AFF2: variants seen among roughly 807,000 people sequenced by gnomAD.
The protein encoded by AFF2 is ALF transcription elongation factor 2, also known as AF4/FMR2 family member 2.
A neutral mutation model predicts 76.9 loss-of-function variants in AFF2; 14 were observed. That is an observed-to-expected ratio of 0.18 (90% CI 0.12 to 0.28). The LOEUF (loss-of-function observed/expected upper bound fraction) is 0.28, where lower values mean the gene tolerates loss of function less well. Ranked by LOEUF, AFF2 falls within the 10% of genes least tolerant of loss-of-function variation. The pLI, the probability that AFF2 is intolerant of heterozygous loss-of-function variation, is 1.00. For synonymous variants in AFF2, 398 were observed against 366.7 expected, an observed-to-expected ratio of 1.09 and a Z score of -0.98; for missense variants, 868 against 1,001.1, an observed-to-expected ratio of 0.87 and a Z score of 1.79.
At chrX:148,967,826 C>A in intron 15 of AFF2, 134 bp downstream of exon 15, 1 of 499,680 alleles carries the variant, frequency 2.0e-6, no homozygotes, top group Non-Finnish European at 3.3e-6. Context: ...GCTGCCCTGA[C>A]ATAGGGAGAT....
At chrX:148,551,510 GAAGA>G (rs1182495088) in intron 1 of AFF2, among the ~76,000 whole-genome samples, 5 of 63,527 alleles carry the variant, frequency 7.9e-5, no homozygotes, top group Non-Finnish European at 1.2e-4. Context: ...AAAAAAAAAA[GAAGA>G]AAGAAAGAAA....
At position 148,662,470 on chromosome X, in the gene AFF2, C is replaced by T. The variant is rs782374220; in HGVS notation, c.743C>T (p.Ala248Val). The T allele has an allele frequency of 1.5e-5, 18 of 1,211,947 alleles. No homozygotes were observed. The South Asian group carries it at 1.9e-4, about 13-fold the overall frequency. ...SPEESEFAVQ[A>V]PGSPLVASSL... is the part of the protein sequence containing the mutation. ...GAAGAATCTGAATTCGCCGTGCAAGCGCCTGGGTCTCCCCTAGTGGCTTCC... is the reference window on the plus strand; with the variant it reads ...GAAGAATCTGAATTCGCCGTGCAAGTGCCTGGGTCTCCCCTAGTGGCTTCC... The change falls in exon 3 of 21, where the codon GCG becomes GTG. Residue 248 changes from alanine (A) to valine (V), a missense_variant. Around this residue, in one of 6 missense-constraint regions of AFF2, gnomAD observed 196 missense variants for 194.8 expected, o/e 1.01. Transcript: ENST00000370460.
At chrX:148,937,609 A>G (rs2071788568) in intron 9 of AFF2, among the ~76,000 whole-genome samples, 1 of 112,061 alleles carries the variant, frequency 8.9e-6, no homozygotes, top group Non-Finnish European at 1.9e-5. Flanking sequence ...GCTGTGTACA[A>G]GCTTGTACAA....
intron 3 of AFF2, among the ~76,000 whole-genome samples, chrX:148,800,812 C>G (rs1023946311): frequency 8.0e-5 from 9 of 111,961 alleles, no homozygotes; most frequent in Non-Finnish European, 1.7e-4. Flanking sequence ...TTTTAAAATA[C>G]TACATGATAG....
At chrX:148,724,302 C>T (rs1299847735) in intron 3 of AFF2, among the ~76,000 whole-genome samples, 1 of 110,831 alleles carries the variant, frequency 9.0e-6, no homozygotes, top group Non-Finnish European at 1.9e-5. Flanking sequence ...CAAATGAACT[C>T]AGGTACATGT....
intron 3 of AFF2, among the ~76,000 whole-genome samples, chrX:148,793,563 G>T (rs1179158466): frequency 8.9e-6 from 1 of 111,860 alleles, no homozygotes; most frequent in African/African-American, 3.3e-5. Context: ...TCCAATAGAA[G>T]AAGCTCGATT....
At chrX:148,873,027 C>T (rs933219366) in intron 7 of AFF2, among the ~76,000 whole-genome samples, 1 of 111,568 alleles carries the variant, frequency 9.0e-6, no homozygotes. Flanking sequence ...GCCCTCACAT[C>T]GTATTAGAGC....
chrX:148,682,168 G>T (rs1364541726), intron 3 of AFF2, among the ~76,000 whole-genome samples: 1 of 111,926 alleles, frequency 8.9e-6, no homozygotes, highest in Non-Finnish European at 1.9e-5. Context: ...CGTTTTGATT[G>T]CAGGGCTTAA....
rs781918617 is a variant in AFF2 at position 148,806,461 on chromosome X, C to A, written c.1042-3415C>A. Among the ~76,000 whole-genome samples, 6 of 111,893 alleles carry A rather than the reference C, an allele frequency of 5.4e-5. No individual in the cohort carries two copies. The South Asian group carries it at 2.2e-3, about 42-fold the overall frequency. ...TCTGACATGGCAGTGTCGGTGAACC[C>A]GGTAGGTACCCTTTCCCTGGCACTT... On this transcript the variant is annotated intron_variant, in intron 3 of 20. Transcript: ENST00000370460.
intron 9 of AFF2, among the ~76,000 whole-genome samples, chrX:148,904,573 C>T (rs2071388444): frequency 8.9e-6 from 1 of 112,090 alleles, no homozygotes; most frequent in South Asian, 3.7e-4. Flanking sequence ...GGGTTTTGCA[C>T]ATGCTAAAAA....
intron 1 of AFF2, among the ~76,000 whole-genome samples, chrX:148,583,467 A>T (rs2053434912): frequency 9.0e-6 from 1 of 111,324 alleles, no homozygotes; most frequent in Admixed American, 9.6e-5. Flanking sequence ...GCCCCCATAC[A>T]TGTATAGCCA....
At chrX:148,707,179 C>T (rs1263949082) in intron 3 of AFF2, among the ~76,000 whole-genome samples, 2 of 111,962 alleles carry the variant, frequency 1.8e-5, no homozygotes, top group African/African-American at 3.2e-5. Flanking sequence ...TGTGAATATA[C>T]AGAGACACCA....
At chrX:148,914,269 G>A (rs1214784263) in intron 9 of AFF2, among the ~76,000 whole-genome samples, 3 of 111,250 alleles carry the variant, frequency 2.7e-5, no homozygotes, top group Non-Finnish European at 5.7e-5. Context: ...GCAATGTCTG[G>A]TACTTAGAGG....
intron 3 of AFF2, among the ~76,000 whole-genome samples, chrX:148,807,557 G>A (rs2070152224): frequency 1.8e-5 from 2 of 112,188 alleles, no homozygotes; most frequent in Admixed American, 1.9e-4. Context: ...CTCATCAGCA[G>A]GTGCTCTTGC....
At chrX:148,834,578 G>T (rs782010685) in intron 4 of AFF2, among the ~76,000 whole-genome samples, 1 of 109,772 alleles carries the variant, frequency 9.1e-6, no homozygotes, top group African/African-American at 3.3e-5. Flanking sequence ...AAAGAGAAGT[G>T]ATTCTTGGTG....
In AFF2 at chrX:148,603,505, A is replaced by T. The variant is rs140729018; in HGVS notation, c.48-48494A>T. Among the ~76,000 whole-genome samples the T allele has an allele frequency of 8.0e-3, 873 of 108,707 alleles. 5 individuals carry two copies. Among genetic ancestry groups the T allele is most frequent in the Non-Finnish European group, 0.013 (699 of 52,305 alleles). The allele number at this position is 108,707 out of a possible 115,157, so 94.4% of individuals were successfully genotyped here. On this transcript the variant is annotated intron_variant, in intron 1 of 20. Transcript: ENST00000370460. Reference sequence around the variant, plus strand: ...CCTTGGTTTTGAAAACTCTGATGCCAGTCTAATTCTTTTGTGTTCTGTAGC... The same window carrying T: ...CCTTGGTTTTGAAAACTCTGATGCCTGTCTAATTCTTTTGTGTTCTGTAGC...
chrX:148,919,846 A>G (rs912406190), intron 9 of AFF2, among the ~76,000 whole-genome samples: 1 of 112,305 alleles, frequency 8.9e-6, no homozygotes, highest in Admixed American at 9.4e-5. Flanking sequence ...CTCACTGTGA[A>G]TAGTTCTCAT....
intron 1 of AFF2, among the ~76,000 whole-genome samples, chrX:148,535,583 C>T (rs1306145323): frequency 2.7e-5 from 3 of 112,528 alleles, no homozygotes; most frequent in South Asian, 7.3e-4. Context: ...GGCCCTGTGC[C>T]GGGCATTGTA....
intron 7 of AFF2, among the ~76,000 whole-genome samples, chrX:148,846,489 G>A (rs782392792): frequency 1.8e-5 from 2 of 112,091 alleles, no homozygotes; most frequent in Non-Finnish European, 3.8e-5. Context: ...ACACTTGTCA[G>A]TGTTCAAATT....
Sources: allele counts gnomAD v4.1 joint callset (sites outside exome capture counted in the v4.1 genomes callset), GRCh38; gene constraint gnomAD v4.1.1; regional missense constraint gnomAD v4.1.1; transcripts MANE v1.5; gene names NCBI Gene and HGNC (gene_info 2026-07-23, HGNC 2026-07-21).